Variants in LRRC31 observed in about 807,000 individuals in gnomAD.
The protein encoded by LRRC31 is leucine-rich repeat-containing protein 31.
In LRRC31, 35 loss-of-function variants were observed where a neutral mutation model predicts 46.7. The observed-to-expected ratio is 0.75, with a 90% CI of 0.57 to 0.99. LRRC31 has a LOEUF of 0.99. Among genes scored for constraint, LRRC31 ranks in the 50% least tolerant of loss-of-function variants. The pLI is 0.00. For missense variants in LRRC31, 613 were observed against 626.1 expected (o/e 0.98, Z 0.22); for synonymous variants, 236 against 235.1 (o/e 1.00, Z -0.03).
chr3:169,839,264 A>G lies in LRRC31; in HGVS notation c.*718T>C, dbSNP rs1387825899. ...TGTTAACAATTTTTTAAACAATAAA[A>G]GGTTTTAATTTATTCTAACAAGATA... is the stretch of plus-strand genomic sequence containing the variant. On this transcript the variant is annotated 3_prime_UTR_variant, in exon 9 of 9. Coordinates refer to ENST00000316428, the MANE Select transcript of LRRC31 (RefSeq NM_024727.4). 6.6e-6 allele frequency: 1 copy of G among 152,254 alleles called. No individual in the cohort carries two copies. The highest frequency in any genetic ancestry group is 1.5e-5 in the Non-Finnish European group (1 of 68,040). 9.4% of individuals were successfully genotyped at this position (152,254 alleles called of 1,614,324 possible). A position where few individuals can be genotyped will look rare whatever the true frequency, so the allele number is the denominator to read the frequency against.
At chr3:169,857,146 T>C (rs1252553844) in intron 3 of LRRC31, among the ~76,000 whole-genome samples, 1 of 151,424 alleles carries the variant, frequency 6.6e-6, no homozygotes, top group African/African-American at 2.4e-5. Flanking sequence ...ATCCACCTAT[T>C]GGTAGGGTGG....
At chr3:169,855,070 T>G in intron 5 of LRRC31, 90 bp from the exon 6 acceptor site, 1 of 1,138,638 alleles carries the variant, frequency 8.8e-7, no homozygotes, top group Admixed American at 2.0e-5. Context: ...GCAGGAGGAT[T>G]GCTTGAGCCC....
intron 3 of LRRC31, among the ~76,000 whole-genome samples, chr3:169,858,682 T>C (rs1408528174): frequency 6.6e-6 from 1 of 152,186 alleles, no homozygotes; most frequent in Non-Finnish European, 1.5e-5. Context: ...ATTTAAATTA[T>C]TTGTTCATGT....
At chr3:169,867,059 G>GTTTT (rs547270762) in intron 1 of LRRC31, among the ~76,000 whole-genome samples, 1 of 105,262 alleles carries the variant, frequency 9.5e-6, no homozygotes, top group Non-Finnish European at 1.8e-5. Flanking sequence ...TTGTTTGTTT[G>GTTTT]TTTTTTTTTT....
chr3:169,860,853 C>T (rs1042763352), intron 2 of LRRC31, 125 bp from the exon 3 acceptor site: 2 of 977,840 alleles, frequency 2.0e-6, no homozygotes, highest in South Asian at 1.7e-5. Flanking sequence ...GTGGTAGGCA[C>T]GCTGACTTTG....
chr3:169,857,318 C>CTATATATA (rs34162537), intron 3 of LRRC31, among the ~76,000 whole-genome samples: 732 of 65,730 alleles, frequency 0.011, 4 homozygotes, highest in Admixed American at 0.028. Flanking sequence ...TATCACATGC[C>CTATATATA]TATATATATA....
intron 1 of LRRC31, among the ~76,000 whole-genome samples, 155 bp from the exon 2 acceptor site, chr3:169,861,968 A>G (rs141604265): frequency 4.7e-4 from 72 of 152,332 alleles, no homozygotes; most frequent in African/African-American, 1.6e-3. Context: ...CTAGGGACAA[A>G]GCTTAACTAA....
intron 7 of LRRC31, among the ~76,000 whole-genome samples, chr3:169,849,161 T>C (rs914036689): frequency 3.9e-5 from 6 of 152,226 alleles, no homozygotes; most frequent in Non-Finnish European, 8.8e-5. Flanking sequence ...AATTGCACTT[T>C]AATCTATTCT....
intron 2 of LRRC31, 109 bp from the exon 3 acceptor site, chr3:169,860,837 T>C: frequency 9.1e-7 from 1 of 1,103,728 alleles, no homozygotes; most frequent in South Asian, 1.5e-5. Flanking sequence ...TGTAAGAGAA[T>C]AGACAGTGGT....
At chr3:169,860,248 G>A (rs943468535) in intron 3 of LRRC31, among the ~76,000 whole-genome samples, 1 of 151,036 alleles carries the variant, frequency 6.6e-6, no homozygotes, top group African/African-American at 2.4e-5. Flanking sequence ...TTTGTTTGGA[G>A]ATGGAGTCTC....
At chr3:169,860,874 G>C (rs759106004) in intron 2 of LRRC31, 146 bp from the exon 3 acceptor site, 107 of 709,778 alleles carry the variant, frequency 1.5e-4, no homozygotes, top group Non-Finnish European at 2.1e-4. Context: ...GGCAAAGCAG[G>C]GAGCCCTCAG....
chr3:169,856,775 T>A lies in LRRC31; in HGVS notation c.585A>T (p.Gln195His), dbSNP rs373529904. The A allele has an allele frequency of 8.7e-6, 14 of 1,609,676 alleles. No homozygotes were observed. Among genetic ancestry groups the A allele is most frequent in the Admixed American group, 3.4e-5 (2 of 59,450 alleles). Residue 195 changes from glutamine to histidine, a missense_variant, in exon 4 of 9, where the codon CAA becomes CAT. Physicochemically the swap from Gln to His is conservative, Grantham distance 24. Coordinates refer to ENST00000316428, the MANE Select transcript of LRRC31 (RefSeq NM_024727.4). ...CAATCATTTGTATCTTGCTCCCTTT[T>A]TGGAACTTCTGAAGGATCAGAGGCA... ...GNLPLILQKF[Q>H]KGSKIQMIEL...
Position 169,861,761 on chromosome 3 carries a change from C to T in LRRC31, c.228G>A (p.Glu76=), listed in dbSNP as rs1014030408. ...TTTTGCCCAGCTTCTGCAGGAAATG[C>T]TCATTTTTCTCCATACTGGATCTCC... ...MEWRSSMEKN[E]HFLQKLGKKA... Residue 76 remains glutamate, a synonymous_variant, in exon 2 of 9, where the codon GAG becomes GAA. Transcript: ENST00000316428. The T allele has an allele frequency of 6.2e-7, 1 of 1,613,998 alleles. No individual in the cohort carries two copies. The highest frequency in any genetic ancestry group is 8.5e-7 in the Non-Finnish European group (1 of 1,179,982).
rs138659375 is a variant in LRRC31, at chr3:169,842,039, C to A, written c.1328-1726G>T. ...TAGCCTGGGTGACACAGCAAGACTC[C>A]CTCTCAGAAAAAAATAAAATAAAAT... is the stretch of plus-strand genomic sequence containing the variant. On this transcript the variant is annotated intron_variant, in intron 8 of 8. Transcript: ENST00000316428. Among the ~76,000 whole-genome samples, 93 of 151,480 alleles carry A rather than the reference C, an allele frequency of 6.1e-4. 2 individuals carry two copies. The highest frequency in any genetic ancestry group is 2.2e-3 in the African/African-American group (90 of 41,280).
intron 8 of LRRC31, among the ~76,000 whole-genome samples, chr3:169,847,826 G>A (rs999371400): frequency 2.0e-4 from 31 of 152,236 alleles, no homozygotes; most frequent in African/African-American, 7.0e-4. Flanking sequence ...GATGACTGAA[G>A]TGGGAACACT....
At chr3:169,857,949 A>G (rs552141559) in intron 3 of LRRC31, among the ~76,000 whole-genome samples, 1 of 152,272 alleles carries the variant, frequency 6.6e-6, no homozygotes, top group African/African-American at 2.4e-5. Context: ...GACTTTCTAT[A>G]GCCCTGAGGT....
At chr3:169,867,043 TTTTG>T (rs1197479119) in intron 1 of LRRC31, among the ~76,000 whole-genome samples, 3 of 115,344 alleles carry the variant, frequency 2.6e-5, no homozygotes, top group African/African-American at 5.6e-5. Flanking sequence ...CATGGGTTTT[TTTTG>T]TTTGTTTGTT....
intron 3 of LRRC31, among the ~76,000 whole-genome samples, chr3:169,858,926 AAC>A (rs1781054834): frequency 6.9e-6 from 1 of 145,368 alleles, no homozygotes; most frequent in African/African-American, 2.6e-5. Context: ...GAATCACTTG[AAC>A]TCAGGAGGCG....
In LRRC31 at chr3:169,860,547, T is replaced by C; in HGVS notation, c.487+14A>G. On this transcript the variant is annotated intron_variant, in intron 3 of 8. Transcript: ENST00000316428. ...CCGGCCGAATCCATCTTTTAAGAAA[T>C]GCATTCATCATACCCAGTGCTTGAA... The C allele has an allele frequency of 1.2e-6, 2 of 1,613,766 alleles. No homozygotes were observed.
Sources: gnomAD v4.1 joint callset for allele counts (sites outside exome capture counted in the v4.1 genomes callset) on GRCh38, gnomAD v4.1.1 for gene constraint, MANE v1.5 for transcripts, NCBI Gene and HGNC (gene_info 2026-07-23, HGNC 2026-07-21) for gene names.